ERC2: variants seen among roughly 807,000 people sequenced by gnomAD.
ERC2 encodes the protein ERC protein 2.
A neutral mutation model predicts 114.8 loss-of-function variants in ERC2; 42 were observed. The observed-to-expected ratio is 0.37, with a 90% CI of 0.29 to 0.47. The LOEUF (loss-of-function observed/expected upper bound fraction) is 0.47, where lower values mean the gene tolerates loss of function less well. Ranked by LOEUF, ERC2 falls within the 20% of genes least tolerant of loss-of-function variation. ERC2 has a pLI of 0.99. For synonymous variants in ERC2, 454 were observed against 425.5 expected (o/e 1.07, Z -0.82); for missense variants, 939 against 1,150.7 (o/e 0.82, Z 2.66).
At chr3:55,569,206 C>T (rs1285171153) in intron 17 of ERC2, among the ~76,000 whole-genome samples, 2 of 152,124 alleles carry the variant, frequency 1.3e-5, no homozygotes, top group Admixed American at 1.3e-4. Context: ...CTATAAGAAG[C>T]CTAGCACACA....
At chr3:56,287,134 T>G (rs1045031305) in intron 3 of ERC2, among the ~76,000 whole-genome samples, 1 of 152,118 alleles carries the variant, frequency 6.6e-6, no homozygotes, top group Non-Finnish European at 1.5e-5. Context: ...GAAAGTAGAT[T>G]TTACCAAATT....
chr3:55,697,297 C>T (rs2062983637), intron 16 of ERC2, among the ~76,000 whole-genome samples: 1 of 152,122 alleles, frequency 6.6e-6, no homozygotes, highest in Admixed American at 6.5e-5. Context: ...GCCTCTATGT[C>T]CATGGGTTGC....
At chr3:56,213,828 A>ATTCACTGTTC (rs2049253503) in intron 3 of ERC2, among the ~76,000 whole-genome samples, 10 of 152,114 alleles carry the variant, frequency 6.6e-5, no homozygotes, top group Admixed American at 5.9e-4. Context: ...TTCCAGAGGA[A>ATTCACTGTTC]CAGCAACATC....
At chr3:56,333,137 C>T (rs1181000646) in intron 2 of ERC2, among the ~76,000 whole-genome samples, 5 of 152,220 alleles carry the variant, frequency 3.3e-5, no homozygotes, top group Non-Finnish European at 7.3e-5. Context: ...CTGTCAGAGA[C>T]GGTCCATTAA....
chr3:56,460,803 G>A (rs2063276396), intron 1 of ERC2, among the ~76,000 whole-genome samples: 1 of 152,032 alleles, frequency 6.6e-6, no homozygotes, highest in African/African-American at 2.4e-5. Context: ...TCCTCTCTAA[G>A]CCACAGAGAT....
At chr3:56,112,349 T>C (rs2079004583) in intron 6 of ERC2, among the ~76,000 whole-genome samples, 2 of 151,996 alleles carry the variant, frequency 1.3e-5, no homozygotes, top group South Asian at 4.2e-4. Flanking sequence ...TAATGCAAAC[T>C]TTTAAGTCAT....
intron 7 of ERC2, among the ~76,000 whole-genome samples, chr3:56,023,136 C>T (rs1432372157): frequency 6.6e-6 from 1 of 152,180 alleles, no homozygotes; most frequent in African/African-American, 2.4e-5. Flanking sequence ...GTGTAGTCCT[C>T]AGCACAAAAG....
chr3:55,594,076 T>C (rs905036391), intron 17 of ERC2, among the ~76,000 whole-genome samples: 2 of 152,220 alleles, frequency 1.3e-5, no homozygotes, highest in African/African-American at 4.8e-5. Flanking sequence ...CTTTTACTTC[T>C]GTGACACAAC....
At chr3:56,154,647 A>G (rs900088995) in intron 4 of ERC2, among the ~76,000 whole-genome samples, 1 of 152,182 alleles carries the variant, frequency 6.6e-6, no homozygotes, top group African/African-American at 2.4e-5. Context: ...CTCTAAGAAA[A>G]AGAGCTAAAT....
At chr3:56,410,341 A>G (rs1471465273) in intron 2 of ERC2, among the ~76,000 whole-genome samples, 2 of 152,262 alleles carry the variant, frequency 1.3e-5, no homozygotes, top group African/African-American at 4.8e-5. Flanking sequence ...AATATGATAC[A>G]TAAATATCAA....
chr3:56,286,425 A>AAAC (rs2054716210), intron 3 of ERC2, among the ~76,000 whole-genome samples: 1 of 150,542 alleles, frequency 6.6e-6, no homozygotes, highest in Non-Finnish European at 1.5e-5. Flanking sequence ...AAAAAAAAAA[A>AAAC]AAAAAAAAAA....
At position 56,154,128 on chromosome 3, in the gene ERC2, C is replaced by T. The variant is rs1312867487; in HGVS notation, c.1150-4996G>A. On this transcript the variant is annotated intron_variant, in intron 4 of 17. Coordinates refer to ENST00000288221, the MANE Select transcript of ERC2 (RefSeq NM_015576.3). ...CAACTGAGCAGCCCTGGATCTTAGG[C>T]TACCTGAGTAAGGCCCTGCCTTGGG... Among the ~76,000 whole-genome samples the T allele has an allele frequency of 1.3e-5, 2 of 152,262 alleles. 1 individual carries two copies. The highest frequency in any genetic ancestry group is 3.9e-4 in the East Asian group (2 of 5,182).
chr3:55,872,324 C>T, intron 14 of ERC2, among the ~76,000 whole-genome samples: 1 of 152,178 alleles, frequency 6.6e-6, no homozygotes, highest in South Asian at 2.1e-4. Flanking sequence ...TCCACATATC[C>T]GCATGGATGC....
chr3:55,923,349 GA>G (rs1396679929), intron 13 of ERC2, among the ~76,000 whole-genome samples: 5 of 151,946 alleles, frequency 3.3e-5, no homozygotes, highest in Non-Finnish European at 5.9e-5. Context: ...CATAAAGCCA[GA>G]AAATAAAACA....
intron 17 of ERC2, among the ~76,000 whole-genome samples, chr3:55,577,861 G>T (rs1356942982): frequency 6.6e-6 from 1 of 152,214 alleles, no homozygotes; most frequent in Non-Finnish European, 1.5e-5. Context: ...GGAAGAGGTT[G>T]TCTAGACTGC....
chr3:56,434,274 C>A, intron 2 of ERC2, 77 bp downstream of exon 2: 1 of 1,383,760 alleles, frequency 7.2e-7, no homozygotes, highest in South Asian at 1.3e-5. Flanking sequence ...CTGCACAGGT[C>A]GTGGTACCAT....
intron 17 of ERC2, among the ~76,000 whole-genome samples, chr3:55,654,529 C>A (rs2060775538): frequency 6.6e-6 from 1 of 152,224 alleles, no homozygotes; most frequent in South Asian, 2.1e-4. Context: ...ACAATTTGAA[C>A]CACTCTGCAG....
Position 56,425,564 on chromosome 3 carries a change from T to TTTC in ERC2, c.657+8786_657+8787insGAA, listed in dbSNP as rs1553626004. Among the ~76,000 whole-genome samples the TTTC allele has an allele frequency of 1.3e-3, 89 of 67,158 alleles. 1 individual carries two copies. Among genetic ancestry groups the TTTC allele is most frequent in the South Asian group, 6.8e-3 (24 of 3,526 alleles). 44.1% of individuals were successfully genotyped at this position (67,158 alleles called of 152,430 possible). A position where few individuals can be genotyped will look rare whatever the true frequency, so the allele number is the denominator to read the frequency against. On this transcript the variant is annotated intron_variant, in intron 2 of 17. Transcript: ENST00000288221. ...AACTCCACCCCGACCCTTTTTCTTT[T>TTTC]TTTTTTTTTTTTTTTTGGCTTATGC...
chr3:56,073,394 G>T (rs548392984), intron 7 of ERC2, among the ~76,000 whole-genome samples: 2 of 152,166 alleles, frequency 1.3e-5, no homozygotes, highest in Non-Finnish European at 2.9e-5. Context: ...CCCTACCCAT[G>T]AGATGCTTAG....
Sources: gnomAD v4.1 joint callset for allele counts (sites outside exome capture counted in the v4.1 genomes callset) on GRCh38, gnomAD v4.1.1 for gene constraint, MANE v1.5 for transcripts, NCBI Gene and HGNC (gene_info 2026-07-23, HGNC 2026-07-21) for gene names.